The following DPYD variants were observed in gnomAD, a reference collection of about 807,000 sequenced individuals.
DPYD encodes dihydropyrimidine dehydrogenase.
DPYD carries 109 observed loss-of-function variants against 116.2 expected under a neutral mutation model. That is an observed-to-expected ratio of 0.94 (90% CI 0.80 to 1.10). The LOEUF is 1.10. DPYD is among the 50% of genes least tolerant of loss of function. The pLI is 0.00. For missense variants in DPYD, 1,302 were observed against 1,254.5 expected (o/e 1.04, Z -0.57); for synonymous variants, 440 against 432.0 (o/e 1.02, Z -0.23).
intron 3 of DPYD, among the ~76,000 whole-genome samples, chr1:97,753,097 T>A (rs934733736): frequency 6.6e-5 from 10 of 152,234 alleles, no homozygotes; most frequent in African/African-American, 2.4e-4. Context: ...ATGCTAGCAC[T>A]GTTCTGTGTG....
Position 97,462,556 on chromosome 1 carries a change from T to C in DPYD, c.1741-12333A>G, listed in dbSNP as rs1416848151. On this transcript the variant is annotated intron_variant, in intron 13 of 22. Coordinates refer to ENST00000370192, the MANE Select transcript of DPYD (RefSeq NM_000110.4). ...CATGCCTCATTCTACCCTCCTCCTT[T>C]TGAAATTCAGGCATAACTGTAGGTA... Among the ~76,000 whole-genome samples the C allele has an allele frequency of 3.9e-5, 6 of 152,124 alleles. No individual in the cohort carries two copies. In the East Asian group the frequency reaches 1.2e-3, roughly 29 times the overall value.
intron 18 of DPYD, among the ~76,000 whole-genome samples, chr1:97,277,313 C>T (rs1180827223): frequency 6.6e-6 from 1 of 151,626 alleles, no homozygotes; most frequent in Non-Finnish European, 1.5e-5. Context: ...CAGCATCACA[C>T]AAATTACCCA....
intron 8 of DPYD, among the ~76,000 whole-genome samples, chr1:97,651,450 G>C (rs1412137499): frequency 1.3e-5 from 2 of 152,046 alleles, no homozygotes; most frequent in Non-Finnish European, 1.5e-5. Context: ...CAATACCTTT[G>C]AAATAATAAA....
chr1:97,620,125 A>T (rs902042899), intron 8 of DPYD, among the ~76,000 whole-genome samples: 4 of 151,752 alleles, frequency 2.6e-5, no homozygotes, highest in Admixed American at 2.6e-4. Flanking sequence ...CACTATTCCA[A>T]TTGATACACA....
At chr1:97,213,385 A>G (rs1045930871) in intron 19 of DPYD, among the ~76,000 whole-genome samples, 23 of 152,188 alleles carry the variant, frequency 1.5e-4, no homozygotes, top group African/African-American at 5.5e-4. Context: ...GCAAAGTGAC[A>G]ACATACTTAA....
rs1209264773 is a variant in DPYD at position 97,763,079 on chromosome 1, AG to A, written c.234-22601del. On this transcript the variant is annotated intron_variant, in intron 3 of 22. Coordinates refer to ENST00000370192, the MANE Select transcript of DPYD (RefSeq NM_000110.4). ...TATCCTCATTAACACCCAGCATGAA[AG>A]GTATTTCCTAATATTCTTGACTGAG... Among the ~76,000 whole-genome samples, 4 of 152,210 alleles carry A rather than the reference AG, an allele frequency of 2.6e-5. No homozygotes were observed. In the East Asian group the frequency reaches 7.7e-4, roughly 29 times the overall value.
chr1:97,259,376 A>T (rs544690337), intron 18 of DPYD, among the ~76,000 whole-genome samples: 1 of 152,142 alleles, frequency 6.6e-6, no homozygotes, highest in African/African-American at 2.4e-5. Flanking sequence ...TACCGATTAA[A>T]AATATTATTA....
intron 11 of DPYD, among the ~76,000 whole-genome samples, chr1:97,571,943 T>C (rs1402181474): frequency 6.6e-6 from 1 of 151,990 alleles, no homozygotes; most frequent in African/African-American, 2.4e-5. Context: ...CAGGAATGAA[T>C]GCTATCTCAC....
chr1:97,259,178 C>T (rs376233622), intron 18 of DPYD, among the ~76,000 whole-genome samples: 17 of 152,118 alleles, frequency 1.1e-4, no homozygotes, highest in African/African-American at 3.9e-4. Context: ...TACTGTAAAA[C>T]TGGGATTCTA....
At chr1:97,209,058 C>G (rs1386898593) in intron 19 of DPYD, among the ~76,000 whole-genome samples, 2 of 152,058 alleles carry the variant, frequency 1.3e-5, no homozygotes, top group African/African-American at 4.8e-5. Flanking sequence ...AAACAATTAA[C>G]TTAATCACAC....
chr1:97,250,758 G>A (rs1663033438), intron 18 of DPYD, among the ~76,000 whole-genome samples: 2 of 152,148 alleles, frequency 1.3e-5, no homozygotes, highest in Admixed American at 1.3e-4. Context: ...GGTGGTATAA[G>A]TCTCAGCTGG....
intron 13 of DPYD, among the ~76,000 whole-genome samples, chr1:97,487,201 C>T (rs1387556588): frequency 6.6e-6 from 1 of 151,672 alleles, no homozygotes; most frequent in Non-Finnish European, 1.5e-5. Context: ...AATTATACAC[C>T]AGTGGAAACA....
chr1:97,179,693 T>G (rs1302159201), intron 20 of DPYD, among the ~76,000 whole-genome samples: 1 of 152,208 alleles, frequency 6.6e-6, no homozygotes, highest in East Asian at 1.9e-4. Flanking sequence ...GGCTTCTCAG[T>G]GCAGCATTAG....
At chr1:97,304,725 CTCTT>C (rs768984718) in intron 18 of DPYD, among the ~76,000 whole-genome samples, 20 of 152,078 alleles carry the variant, frequency 1.3e-4, no homozygotes, top group Non-Finnish European at 2.5e-4. Context: ...ATTAAAACCT[CTCTT>C]TCTTTTTCAA....
chr1:97,310,842 T>C (rs1417463877), intron 16 of DPYD, among the ~76,000 whole-genome samples: 1 of 151,788 alleles, frequency 6.6e-6, no homozygotes, highest in Non-Finnish European at 1.5e-5. Flanking sequence ...AAATTTGACA[T>C]AATGCCAATA....
chr1:97,625,144 G>A (rs1656855065), intron 8 of DPYD, among the ~76,000 whole-genome samples: 2 of 152,046 alleles, frequency 1.3e-5, no homozygotes, highest in African/African-American at 4.8e-5. Context: ...GATTTGAGGT[G>A]ATGGGGATGT....
chr1:97,795,601 C>A (rs1200595875), intron 3 of DPYD, among the ~76,000 whole-genome samples: 2 of 151,930 alleles, frequency 1.3e-5, no homozygotes, highest in African/African-American at 4.8e-5. Context: ...TTTGTCTTAG[C>A]AACTTCACTT....
chr1:97,245,291 C>T (rs1237532405), intron 18 of DPYD, among the ~76,000 whole-genome samples: 1 of 152,054 alleles, frequency 6.6e-6, no homozygotes, highest in Admixed American at 6.6e-5. Context: ...TGCAATATCA[C>T]CATAAAATTC....
chr1:97,591,845 A>G (rs1654541726), intron 10 of DPYD, among the ~76,000 whole-genome samples: 1 of 148,394 alleles, frequency 6.7e-6, no homozygotes, highest in East Asian at 1.9e-4. Context: ...TTCTATGTGT[A>G]AAAAAAAACC....
Sources: gnomAD v4.1 joint callset for allele counts (sites outside exome capture counted in the v4.1 genomes callset) on GRCh38, gnomAD v4.1.1 for gene constraint, MANE v1.5 for transcripts, NCBI Gene and HGNC (gene_info 2026-07-23, HGNC 2026-07-21) for gene names.